Variants in GSE1 observed in about 807,000 individuals in gnomAD.
The protein encoded by GSE1 is Gse1 coiled-coil protein, also known as genetic suppressor element 1.
GSE1 carries 32 observed loss-of-function variants against 112.6 expected under a neutral mutation model. The observed-to-expected ratio is 0.28, with a 90% confidence interval of 0.21 to 0.38. The LOEUF (loss-of-function observed/expected upper bound fraction) is 0.38, where lower values mean the gene tolerates loss of function less well. Among genes scored for constraint, GSE1 ranks in the 10% least tolerant of loss-of-function variants. The pLI is 1.00. For synonymous variants in GSE1, 1,115 were observed against 735.6 expected (o/e 1.52, Z -8.35); for missense variants, 2,348 against 1,699.2 (o/e 1.38, Z -6.71).
Position 85,648,689 on chromosome 16 carries a change from C to T in GSE1, c.364C>T (p.Pro122Ser). The T allele has an allele frequency of 1.2e-6, 2 of 1,608,736 alleles. No individual in the cohort carries two copies. The highest frequency in any genetic ancestry group is 1.7e-6 in the Non-Finnish European group (2 of 1,177,430). Residue 122 changes from proline to serine, a missense_variant, in exon 3 of 16, where the codon CCC (proline) becomes TCC (serine). Coordinates refer to ENST00000253458, the MANE Select transcript of GSE1 (RefSeq NM_014615.5). ...GGGCCACAGCGTGCCCAGCACCCCC[C>T]CCGTGGTGACCATCGCTCCAACCAA... ...PGGHSVPSTPPVVTIAPTKTV... is the reference protein window; with the variant it reads ...PGGHSVPSTPSVVTIAPTKTV...
chr16:85,476,414 A>G (rs550076968), intron 2 of GSE1, among the ~76,000 whole-genome samples: 1 of 152,328 alleles, frequency 6.6e-6, no homozygotes, highest in South Asian at 2.1e-4. Context: ...TGCATATGAC[A>G]GTCCCAGATA....
At chr16:85,424,219 C>T (rs1302938076) in intron 2 of GSE1, among the ~76,000 whole-genome samples, 2 of 152,270 alleles carry the variant, frequency 1.3e-5, no homozygotes, top group Non-Finnish European at 2.9e-5. Flanking sequence ...ACTGTGTTCA[C>T]AGGACTGGGA....
chr16:85,613,226 C>T (rs1000585431), upstream of GSE1: 1 of 1,498,106 alleles, frequency 6.7e-7, no homozygotes, highest in East Asian at 2.7e-5. Context: ...TCCTCGGCGG[C>T]GACAGCAGCA....
At chr16:85,500,216 C>T (rs529930812) in intron 2 of GSE1, among the ~76,000 whole-genome samples, 1 of 152,332 alleles carries the variant, frequency 6.6e-6, no homozygotes, top group African/African-American at 2.4e-5. Flanking sequence ...GTTCTTTTTT[C>T]TCCTCCTGTC....
upstream of GSE1, among the ~76,000 whole-genome samples, chr16:85,552,111 C>T (rs2044944730): frequency 6.6e-6 from 1 of 152,022 alleles, no homozygotes; most frequent in Non-Finnish European, 1.5e-5. Context: ...CTGCAAGCTC[C>T]GCCTTCAGGG....
At chr16:85,211,838 C>T (rs192538920) in intron 1 of GSE1, among the ~76,000 whole-genome samples, 133 of 152,364 alleles carry the variant, frequency 8.7e-4, no homozygotes, top group Middle Eastern at 3.4e-3. Context: ...TGGATGCTGC[C>T]TCTTGGGGCA....
At chr16:85,628,087 G>A (rs1329717653) in intron 1 of GSE1, among the ~76,000 whole-genome samples, 1 of 152,322 alleles carries the variant, frequency 6.6e-6, no homozygotes, top group South Asian at 2.1e-4. Flanking sequence ...AGGCCCAGGG[G>A]GACCCCTCCA....
Position 85,597,305 on chromosome 16 carries a change from CAG to C in GSE1, c.37+40945_37+40946del, listed in dbSNP as rs1321253713. 1.0e-4 allele frequency among the ~76,000 whole-genome samples: 14 copies of C among 135,038 alleles called. No homozygotes were observed. The Admixed American group carries it at 1.1e-3, about 10-fold the overall frequency. The allele number at this position is 135,038 out of a possible 152,430, so 88.6% of individuals were successfully genotyped here. Reference sequence around the variant, plus strand: ...GGAGAATTGCTTTGAACCCAGGAGACAGAGGTTGCAGTGAGCTGAGATCGTCC... The same window carrying C: ...GGAGAATTGCTTTGAACCCAGGAGACAGGTTGCAGTGAGCTGAGATCGTCC... On this transcript the variant is annotated intron_variant, in intron 1 of 2. Transcript: ENST00000635906.
At chr16:85,299,236 T>C (rs1051829484) in intron 1 of GSE1, among the ~76,000 whole-genome samples, 5 of 152,212 alleles carry the variant, frequency 3.3e-5, no homozygotes, top group Non-Finnish European at 4.4e-5. Flanking sequence ...ATACCTGAGT[T>C]GTTAAGGGGC....
At chr16:85,492,606 G>C (rs2051045765) in intron 2 of GSE1, among the ~76,000 whole-genome samples, 1 of 152,216 alleles carries the variant, frequency 6.6e-6, no homozygotes, top group Admixed American at 6.5e-5. Context: ...CGAACAGCTT[G>C]TCTGAGGCTC....
At chr16:85,661,891 C>T (rs1422521870) in intron 9 of GSE1, 126 bp downstream of exon 9, 8 of 965,490 alleles carry the variant, frequency 8.3e-6, no homozygotes, top group Admixed American at 3.0e-5. Context: ...TCCCAGGCCC[C>T]AGGTGGCAAG....
At chr16:85,229,567 A>G (rs570874653) in intron 1 of GSE1, among the ~76,000 whole-genome samples, 25 of 152,298 alleles carry the variant, frequency 1.6e-4, no homozygotes, top group Admixed American at 9.8e-4. Flanking sequence ...GTTCCATTCT[A>G]TAGAGAAGGA....
intron 2 of GSE1, among the ~76,000 whole-genome samples, chr16:85,637,667 A>G (rs988060825): frequency 2.0e-5 from 3 of 152,222 alleles, no homozygotes; most frequent in Admixed American, 6.5e-5. Context: ...CCACGTTGTA[A>G]GTGGCATGGG....
chr16:85,183,701 G>T (rs1016397604), intron 1 of GSE1, among the ~76,000 whole-genome samples: 1 of 152,224 alleles, frequency 6.6e-6, no homozygotes, highest in Non-Finnish European at 1.5e-5. Context: ...AGGAATGATG[G>T]CTCACCTACG....
intron 1 of GSE1, among the ~76,000 whole-genome samples, chr16:85,179,655 T>C (rs114960797): frequency 1.3e-5 from 2 of 152,210 alleles, no homozygotes; most frequent in Non-Finnish European, 2.9e-5. Flanking sequence ...AAGCCCTGTT[T>C]CATCACTTCT....
At chr16:85,573,388 C>T (rs1017407580) in intron 1 of GSE1, among the ~76,000 whole-genome samples, 8 of 152,192 alleles carry the variant, frequency 5.3e-5, no homozygotes, top group Non-Finnish European at 1.2e-4. Context: ...CAGCTTGCTT[C>T]TACTTTTTGG....
At chr16:85,490,171 C>T (rs2050964692) in intron 2 of GSE1, 2 of 152,420 alleles carry the variant, frequency 1.3e-5, no homozygotes, top group African/African-American at 4.8e-5. Flanking sequence ...CTCCAGCCTC[C>T]CTTGCGCTAG....
At chr16:85,475,914 G>A (rs1419496359) in intron 2 of GSE1, among the ~76,000 whole-genome samples, 1 of 151,464 alleles carries the variant, frequency 6.6e-6, no homozygotes, top group Non-Finnish European at 1.5e-5. Flanking sequence ...GTGAGCCATC[G>A]CAGCGGCCAC....
At chr16:85,617,439 G>GT (rs1250142793) in intron 1 of GSE1, among the ~76,000 whole-genome samples, 1 of 152,194 alleles carries the variant, frequency 6.6e-6, no homozygotes, top group Non-Finnish European at 1.5e-5. Flanking sequence ...AGGGAGGCAG[G>GT]TGGAGGAAGT....
Sources: allele counts gnomAD v4.1 joint callset (sites outside exome capture counted in the v4.1 genomes callset), GRCh38; gene constraint gnomAD v4.1.1; transcripts MANE v1.5; gene names NCBI Gene and HGNC (gene_info 2026-07-23, HGNC 2026-07-21).